C16orf74: variants seen among roughly 807,000 people sequenced by gnomAD.
C16orf74 encodes the protein uncharacterized protein C16orf74.
A neutral mutation model predicts 6.5 loss-of-function variants in C16orf74; 10 were observed. That is an observed-to-expected ratio of 1.54 (90% confidence interval 0.95 to 2.61). The LOEUF (loss-of-function observed/expected upper bound fraction) is 2.61. Among genes scored for constraint, C16orf74 ranks in the 30% most tolerant of loss-of-function variants. The pLI is 0.00. For synonymous variants in C16orf74, 60 were observed against 42.5 expected (o/e 1.41, Z -1.60); for missense variants, 141 against 105.9 (o/e 1.33, Z -1.45).
At chr16:85,733,666 G>A (rs982322913) in intron 2 of C16orf74, among the ~76,000 whole-genome samples, 9 of 152,288 alleles carry the variant, frequency 5.9e-5, no homozygotes, top group Non-Finnish European at 1.2e-4. Flanking sequence ...GGTTAGGCTT[G>A]ACCCTCTCAA....
At chr16:85,711,643 A>G (rs2053971670) in intron 2 of C16orf74, among the ~76,000 whole-genome samples, 1 of 151,514 alleles carries the variant, frequency 6.6e-6, no homozygotes, top group African/African-American at 2.4e-5. Context: ...AAAAAAAAAA[A>G]AAATTAAACG....
intron 2 of C16orf74, among the ~76,000 whole-genome samples, chr16:85,719,928 G>C (rs1013726779): frequency 1.3e-5 from 2 of 151,812 alleles, no homozygotes; most frequent in Non-Finnish European, 2.9e-5. Flanking sequence ...CAGGAACAGA[G>C]GGGCCACAGG....
intron 3 of C16orf74, among the ~76,000 whole-genome samples, chr16:85,709,942 G>A (rs1215802727): frequency 6.6e-6 from 1 of 152,276 alleles, no homozygotes; most frequent in Non-Finnish European, 1.5e-5. Flanking sequence ...TGCTGGCAGG[G>A]GCTGTCTACT....
intron 2 of C16orf74, among the ~76,000 whole-genome samples, chr16:85,714,527 C>A (rs2054002514): frequency 6.6e-6 from 1 of 152,068 alleles, no homozygotes; most frequent in East Asian, 1.9e-4. Flanking sequence ...TCAAGCGATT[C>A]TTCTGCCTCA....
At chr16:85,741,081 G>C (rs547155589) in intron 1 of C16orf74, among the ~76,000 whole-genome samples, 2 of 152,326 alleles carry the variant, frequency 1.3e-5, no homozygotes, top group African/African-American at 4.8e-5. Flanking sequence ...AAAAAGGAAA[G>C]AAAGGCAACA....
chr16:85,720,885 C>T (rs1432955134), intron 2 of C16orf74, among the ~76,000 whole-genome samples: 3 of 151,400 alleles, frequency 2.0e-5, no homozygotes, highest in South Asian at 2.1e-4. Flanking sequence ...GGCAGGAGTT[C>T]GATACCAGCC....
chr16:85,708,571 G>C (rs1001343415), intron 3 of C16orf74, among the ~76,000 whole-genome samples: 1 of 152,216 alleles, frequency 6.6e-6, no homozygotes, highest in African/African-American at 2.4e-5. Flanking sequence ...CTCTGGACCT[G>C]TTTGTTTCCC....
In C16orf74 at chr16:85,741,234, C is replaced by G. The variant is rs151020077; in HGVS notation, c.-18-5999G>C. On this transcript the variant is annotated intron_variant, in intron 1 of 3. Transcript: ENST00000284245. ...CAGCTTCTACAGCTTGGTGGAGATG[C>G]GTTCCTGGGGCCAGGCTCTGGCCGA... 2.0e-5 allele frequency among the ~76,000 whole-genome samples: 3 copies of G among 152,276 alleles called. No individual in the cohort carries two copies. In the East Asian group the frequency reaches 5.8e-4, roughly 29 times the overall value.
intron 2 of C16orf74, among the ~76,000 whole-genome samples, chr16:85,725,040 G>A (rs1382719608): frequency 6.6e-6 from 1 of 150,634 alleles, no homozygotes; most frequent in Non-Finnish European, 1.5e-5. Context: ...GGTGCCGGAG[G>A]TTTAGCTTAA....
In C16orf74 at chr16:85,710,257, CG is replaced by C; in HGVS notation, c.78del (p.Val27SerfsTer2). On this transcript the variant is annotated frameshift_variant, in exon 3 of 4. Coordinates refer to ENST00000284245, the MANE Select transcript of C16orf74 (RefSeq NM_206967.3). LOFTEE classifies it high-confidence loss of function. ...SSSSSSHDEA[P>X]VLNDKHLDVP... The stretch of plus-strand genomic sequence containing the variant: ...ACGTCCAGGTGCTTGTCGTTCAGGA[CG>C]GGGGCCTCGTCGTGGCTGCTGCTGC... 5 of 1,513,272 alleles carry C rather than the reference CG, an allele frequency of 3.3e-6. No individual in the cohort carries two copies. The highest frequency in any genetic ancestry group is 8.8e-7 in the Non-Finnish European group (1 of 1,142,334). 93.7% of individuals were successfully genotyped at this position (1,513,272 alleles called of 1,614,324 possible). A position where few individuals can be genotyped will look rare whatever the true frequency, so the allele number is the denominator to read the frequency against.
At chr16:85,731,599 AG>A (rs560642397) in intron 2 of C16orf74, among the ~76,000 whole-genome samples, 311 of 152,288 alleles carry the variant, frequency 2.0e-3, no homozygotes, top group Middle Eastern at 6.8e-3. Context: ...AATCGTATCC[AG>A]GGCTGAACGG....
intron 2 of C16orf74, among the ~76,000 whole-genome samples, chr16:85,732,848 G>C (rs1265057526): frequency 6.6e-6 from 1 of 152,080 alleles, no homozygotes; most frequent in Non-Finnish European, 1.5e-5. Flanking sequence ...CTCGGGACAG[G>C]CGCTGTTCCA....
intron 2 of C16orf74, among the ~76,000 whole-genome samples, chr16:85,732,777 G>A (rs553825296): frequency 6.6e-6 from 1 of 152,232 alleles, no homozygotes; most frequent in Non-Finnish European, 1.5e-5. Flanking sequence ...CTGGGCGAGT[G>A]GGGGTGGGCA....
At chr16:85,718,169 A>C (rs566233452) in intron 2 of C16orf74, among the ~76,000 whole-genome samples, 1 of 152,320 alleles carries the variant, frequency 6.6e-6, no homozygotes, top group Non-Finnish European at 1.5e-5. Flanking sequence ...TCCCTGGCTC[A>C]AGCGATTCTC....
chr16:85,750,675 CCCA>C (rs2054427617), intron 1 of C16orf74, among the ~76,000 whole-genome samples: 1 of 152,184 alleles, frequency 6.6e-6, no homozygotes, highest in Non-Finnish European at 1.5e-5. Flanking sequence ...GGGTCACACC[CCCA>C]CCGCCGTGCA....
At chr16:85,714,688 G>A (rs991029144) in intron 2 of C16orf74, among the ~76,000 whole-genome samples, 1 of 151,534 alleles carries the variant, frequency 6.6e-6, no homozygotes, top group Non-Finnish European at 1.5e-5. Flanking sequence ...AAAGTCCTGG[G>A]ATTACAGGCA....
rs959082824 is a variant in C16orf74 at position 85,710,698 on chromosome 16, G to C, written c.29-391C>G. ...GCTCACACTTCCCCAGACTCCCTAG[G>C]CTCCTGGGGCCCCTTCGTGCCTTTG... On this transcript the variant is annotated intron_variant, in intron 2 of 3. Transcript: ENST00000284245. 4 of 176,760 alleles carry C rather than the reference G, an allele frequency of 2.3e-5. No homozygotes were observed. The South Asian group carries it at 6.3e-4, about 28-fold the overall frequency. The allele number at this position is 176,760 out of a possible 1,614,324, so 10.9% of individuals were successfully genotyped here. A position where few individuals can be genotyped will look rare whatever the true frequency, so the allele number is the denominator to read the frequency against.
At chr16:85,739,528 G>A (rs1303407370) in intron 1 of C16orf74, among the ~76,000 whole-genome samples, 1 of 152,190 alleles carries the variant, frequency 6.6e-6, no homozygotes, top group Non-Finnish European at 1.5e-5. Flanking sequence ...GAGAGCAGCG[G>A]GATGCTGTTT....
intron 1 of C16orf74, among the ~76,000 whole-genome samples, chr16:85,749,543 A>G (rs1002542430): frequency 6.6e-6 from 1 of 152,132 alleles, no homozygotes; most frequent in Admixed American, 6.5e-5. Context: ...TTGGCATCCC[A>G]AAGTATTGCA....
Sources: gnomAD v4.1 joint callset for allele counts (sites outside exome capture counted in the v4.1 genomes callset) on GRCh38, gnomAD v4.1.1 for gene constraint, MANE v1.5 for transcripts, NCBI Gene and HGNC (gene_info 2026-07-23, HGNC 2026-07-21) for gene names.